Variants in CLMN observed in about 807,000 individuals in gnomAD.
The protein encoded by CLMN is calmin, also known as calmin (calponin-like, transmembrane).
Under a neutral mutation model 92.7 loss-of-function variants are expected in CLMN, and 57 were observed. The observed-to-expected ratio is 0.61, with a 90% CI of 0.50 to 0.77. The LOEUF (loss-of-function observed/expected upper bound fraction) is 0.77. Ranked by LOEUF, CLMN falls within the 30% of genes least tolerant of loss-of-function variation. CLMN has a pLI of 0.00. For synonymous variants in CLMN, 466 were observed against 470.6 expected (o/e 0.99, Z 0.13); for missense variants, 1,158 against 1,237.5 (o/e 0.94, Z 0.96).
intron 1 of CLMN, among the ~76,000 whole-genome samples, chr14:95,304,847 C>A (rs1267324353): frequency 3.3e-5 from 5 of 152,092 alleles, no homozygotes; most frequent in African/African-American, 1.2e-4. Flanking sequence ...TAAGACCCTT[C>A]CATGGGGAGC....
chr14:95,215,833 G>C (rs966598575), intron 4 of CLMN, 100 bp from the exon 5 acceptor site: 32 of 651,440 alleles, frequency 4.9e-5, no homozygotes, highest in African/African-American at 1.4e-4. Context: ...GTGTGTGTGT[G>C]TGTGTGTGTG....
intron 4 of CLMN, among the ~76,000 whole-genome samples, chr14:95,219,962 CCT>C (rs951983199): frequency 3.9e-5 from 6 of 152,112 alleles, no homozygotes; most frequent in East Asian, 1.9e-4. Flanking sequence ...CCCTCATCCC[CCT>C]GTCTTCCCAC....
At chr14:95,254,524 C>G (rs780534967) in intron 1 of CLMN, among the ~76,000 whole-genome samples, 3 of 152,166 alleles carry the variant, frequency 2.0e-5, no homozygotes, top group Non-Finnish European at 2.9e-5. Context: ...TGCACACACA[C>G]TTGGACGTCC....
chr14:95,276,750 C>A (rs1197847843), intron 1 of CLMN, among the ~76,000 whole-genome samples: 1 of 152,102 alleles, frequency 6.6e-6, no homozygotes, highest in Non-Finnish European at 1.5e-5. Flanking sequence ...CAACAGGGGA[C>A]AATGGAGGTG....
intron 1 of CLMN, among the ~76,000 whole-genome samples, chr14:95,262,644 C>CA (rs1193347442): frequency 2.0e-5 from 3 of 152,176 alleles, no homozygotes; most frequent in Non-Finnish European, 4.4e-5. Flanking sequence ...TGGCTCACTG[C>CA]AGCCTCATCC....
chr14:95,237,142 T>C (rs964787069), intron 1 of CLMN, among the ~76,000 whole-genome samples: 2 of 152,254 alleles, frequency 1.3e-5, no homozygotes, highest in Non-Finnish European at 2.9e-5. Flanking sequence ...CCTGGGGCTG[T>C]TGAAGAGACA....
intron 1 of CLMN, among the ~76,000 whole-genome samples, chr14:95,273,281 G>T (rs1396428983): frequency 6.6e-6 from 1 of 152,134 alleles, no homozygotes; most frequent in African/African-American, 2.4e-5. Flanking sequence ...GACCGCTCTG[G>T]GGAGATTCCT....
intron 1 of CLMN, among the ~76,000 whole-genome samples, chr14:95,286,329 C>T (rs75685422): frequency 0.13 from 20,345 of 152,160 alleles, 1,660 homozygotes; most frequent in African/African-American, 0.22. Context: ...AGCATTGATG[C>T]ATGCTACAAC....
At chr14:95,233,762 C>T (rs1396950328) in intron 1 of CLMN, among the ~76,000 whole-genome samples, 1 of 152,168 alleles carries the variant, frequency 6.6e-6, no homozygotes, top group Non-Finnish European at 1.5e-5. Context: ...TGGAACAAGG[C>T]GGGGGGTGGC....
intron 1 of CLMN, among the ~76,000 whole-genome samples, chr14:95,282,129 C>T (rs1230236267): frequency 6.6e-6 from 1 of 152,158 alleles, no homozygotes; most frequent in Non-Finnish European, 1.5e-5. Flanking sequence ...GTCACAGTTG[C>T]TGGAGAAGAG....
intron 1 of CLMN, among the ~76,000 whole-genome samples, chr14:95,246,344 C>T (rs1206255587): frequency 6.6e-6 from 1 of 152,214 alleles, no homozygotes; most frequent in Admixed American, 6.5e-5. Flanking sequence ...CCATTCCTTC[C>T]TGTGAAAACC....
At chr14:95,282,608 C>T (rs1183154381) in intron 1 of CLMN, among the ~76,000 whole-genome samples, 1 of 152,132 alleles carries the variant, frequency 6.6e-6, no homozygotes, top group Non-Finnish European at 1.5e-5. Context: ...CTGATATGGC[C>T]CCTGGGGACC....
intron 1 of CLMN, among the ~76,000 whole-genome samples, chr14:95,269,976 G>A (rs534946805): frequency 4.6e-5 from 7 of 151,310 alleles, no homozygotes; most frequent in Non-Finnish European, 8.8e-5. Context: ...TTAAACCACC[G>A]CGATTCGGAG....
At chr14:95,304,787 C>G (rs1031621214) in intron 1 of CLMN, among the ~76,000 whole-genome samples, 1 of 152,042 alleles carries the variant, frequency 6.6e-6, no homozygotes, top group South Asian at 2.1e-4. Flanking sequence ...TCCGAAACCC[C>G]CCACTCCTCA....
At chr14:95,251,663 C>T (rs116120715) in intron 1 of CLMN, among the ~76,000 whole-genome samples, 174 of 152,288 alleles carry the variant, frequency 1.1e-3, no homozygotes, top group African/African-American at 4.1e-3. Context: ...GGGTCACACA[C>T]ATAAAAATGA....
chr14:95,277,598 G>C (rs1899984098), intron 1 of CLMN, among the ~76,000 whole-genome samples: 1 of 152,168 alleles, frequency 6.6e-6, no homozygotes, highest in African/African-American at 2.4e-5. Flanking sequence ...TAGCTTAGTA[G>C]CTAAGCCTTT....
rs1457861551 is a variant in CLMN, at chr14:95,184,981, C to G, written c.*6583G>C. The G allele has an allele frequency of 6.6e-6, 1 of 152,372 alleles. No homozygotes were observed. Among genetic ancestry groups the G allele is most frequent in the Non-Finnish European group, 1.5e-5 (1 of 68,196 alleles). 9.4% of individuals were successfully genotyped at this position (152,372 alleles called of 1,614,324 possible). Reference sequence around the variant, plus strand: ...ATTAGGTGGGCGTGGTGGCATGCACCTGTACTACCAGCTACTTGGGAGGCT... The same window carrying G: ...ATTAGGTGGGCGTGGTGGCATGCACGTGTACTACCAGCTACTTGGGAGGCT... On this transcript the variant is annotated 3_prime_UTR_variant, in exon 13 of 13. Transcript: ENST00000298912.
intron 10 of CLMN, among the ~76,000 whole-genome samples, chr14:95,195,059 CTA>C: frequency 2.6e-5 from 4 of 152,310 alleles, no homozygotes. Flanking sequence ...CCACCCAGTC[CTA>C]GCGGAATGGA....
At chr14:95,300,833 C>T (rs2140778687) in intron 1 of CLMN, among the ~76,000 whole-genome samples, 1 of 152,376 alleles carries the variant, frequency 6.6e-6, no homozygotes, top group African/African-American at 2.4e-5. Context: ...GAGACTAGGT[C>T]TGTTCTCCTC....
Sources: allele counts gnomAD v4.1 joint callset (sites outside exome capture counted in the v4.1 genomes callset), GRCh38; gene constraint gnomAD v4.1.1; transcripts MANE v1.5; gene names NCBI Gene and HGNC (gene_info 2026-07-23, HGNC 2026-07-21).